Variants in FOCAD observed in about 807,000 individuals in gnomAD.
FOCAD encodes the protein KIAA1797.
Under a neutral mutation model 225.6 loss-of-function variants are expected in FOCAD, and 198 were observed. The ratio of observed to expected loss-of-function variants is 0.88; its 90% CI spans 0.78 to 0.99. The LOEUF (loss-of-function observed/expected upper bound fraction) is 0.99. Among genes scored for constraint, FOCAD ranks in the 50% least tolerant of loss-of-function variants. The probability of loss-of-function intolerance (pLI) is 0.00; values close to 1 mark genes in which losing one functional copy is unlikely to be tolerated. For missense variants in FOCAD, 2,713 were observed against 2,123.6 expected, an observed-to-expected ratio of 1.28 and a Z score of -5.46; for synonymous variants, 897 against 755.0, an observed-to-expected ratio of 1.19 and a Z score of -3.08.
chr9:20,941,705 T>C (rs1255802690), intron 28 of FOCAD, among the ~76,000 whole-genome samples: 2 of 152,206 alleles, frequency 1.3e-5, no homozygotes, highest in Non-Finnish European at 2.9e-5. Context: ...TTGTTAGCAC[T>C]CTTATAGAAC....
At chr9:20,810,221 G>A (rs1403958304) in intron 11 of FOCAD, among the ~76,000 whole-genome samples, 1 of 152,094 alleles carries the variant, frequency 6.6e-6, no homozygotes, top group Non-Finnish European at 1.5e-5. Flanking sequence ...CAACATGTAT[G>A]GGTTCTTTGG....
chr9:20,786,842 G>C (rs1362857238), intron 10 of FOCAD: 1 of 170,566 alleles, frequency 5.9e-6, no homozygotes, highest in African/African-American at 2.4e-5. Context: ...ATTTTTCTGT[G>C]GTTTATTTTT....
rs1026785115 is a variant in FOCAD, at chr9:20,805,002, C to T, written c.1456-14794C>T. Among the ~76,000 whole-genome samples, 4 of 152,110 alleles carry T rather than the reference C, an allele frequency of 2.6e-5. No homozygotes were observed. The South Asian group carries it at 6.2e-4, about 24-fold the overall frequency. On this transcript the variant is annotated intron_variant, in intron 11 of 43. Transcript: ENST00000338382. ...CTTCTTAATCTGTGCCTATTAGGAC[C>T]GCACTTTATCTTTTGTAACATGTCA...
intron 15 of FOCAD, among the ~76,000 whole-genome samples, chr9:20,862,303 G>C (rs1828844063): frequency 6.6e-6 from 1 of 151,876 alleles, no homozygotes; most frequent in South Asian, 2.1e-4. Flanking sequence ...GTGTCGGTGG[G>C]AGTGAGAGCT....
At chr9:20,867,375 T>C (rs2131732852) in intron 18 of FOCAD, among the ~76,000 whole-genome samples, 1 of 152,140 alleles carries the variant, frequency 6.6e-6, no homozygotes, top group African/African-American at 2.4e-5. Flanking sequence ...CAAAGATCTC[T>C]ATTTGTGATA....
At chr9:20,803,776 G>T (rs1286638109) in intron 11 of FOCAD, among the ~76,000 whole-genome samples, 1 of 152,080 alleles carries the variant, frequency 6.6e-6, no homozygotes, top group Non-Finnish European at 1.5e-5. Flanking sequence ...GGACCTGTTC[G>T]AGGTGAAGAC....
chr9:20,923,654 G>A lies in FOCAD; in HGVS notation c.2853-6G>A. The stretch of plus-strand genomic sequence containing the variant: ...TCTCTGTTGAAATTTTTTTCCTTTT[G>A]AACAGGGAGAGTCCGGTAGTGAAAG... On this transcript the variant is annotated splice_polypyrimidine_tract_variant and splice_region_variant and intron_variant, in intron 24 of 43. Transcript: ENST00000338382. The A allele has an allele frequency of 6.2e-7, 1 of 1,611,012 alleles. No homozygotes were observed. The highest frequency in any genetic ancestry group is 1.1e-5 in the South Asian group (1 of 90,684).
chr9:20,970,374 G>A (rs926563693), intron 35 of FOCAD, among the ~76,000 whole-genome samples: 8 of 151,824 alleles, frequency 5.3e-5, no homozygotes, highest in East Asian at 3.9e-4. Flanking sequence ...CATACTTTTC[G>A]TCTTTCTTTT....
At chr9:20,811,817 TTATCA>T (rs1823105848) in intron 11 of FOCAD, among the ~76,000 whole-genome samples, 1 of 130,580 alleles carries the variant, frequency 7.7e-6, no homozygotes, top group South Asian at 2.4e-4. Context: ...GCTTAATCAC[TTATCA>T]TGTCATTTTT....
At chr9:20,877,135 GACCGATGTGAATTTTA>G (rs1324662626) in intron 19 of FOCAD, among the ~76,000 whole-genome samples, 2 of 55,622 alleles carry the variant, frequency 3.6e-5, no homozygotes, top group East Asian at 6.6e-4. Flanking sequence ...TTAAACTATA[GACCGATGTGAATTTTA>G]TAGGGTTTTC....
intron 35 of FOCAD, among the ~76,000 whole-genome samples, chr9:20,972,883 T>A (rs930447127): frequency 3.9e-5 from 6 of 152,170 alleles, no homozygotes; most frequent in African/African-American, 1.4e-4. Context: ...TTATGCTGAC[T>A]TTCCTTTATT....
At chr9:20,874,834 C>G (rs1425260923) in intron 19 of FOCAD, 27 bp downstream of exon 19, 1 of 1,612,882 alleles carries the variant, frequency 6.2e-7, no homozygotes, top group African/African-American at 1.3e-5. Flanking sequence ...AGTAGAGAAG[C>G]TAGCATTTTT....
At chr9:20,914,539 G>C (rs2132070785) in intron 23 of FOCAD, among the ~76,000 whole-genome samples, 1 of 152,244 alleles carries the variant, frequency 6.6e-6, no homozygotes, top group East Asian at 1.9e-4. Context: ...GGAAGTGGTG[G>C]AGTGAGCCAA....
chr9:20,711,020 A>C (rs1480800023), intron 1 of FOCAD, among the ~76,000 whole-genome samples: 2 of 152,214 alleles, frequency 1.3e-5, no homozygotes, highest in Non-Finnish European at 2.9e-5. Context: ...GGCAGACTTG[A>C]GTAGTTGCTC....
rs754389950 is a variant in FOCAD, at chr9:20,770,214, G to T, written c.882G>T (p.Glu294Asp). Residue 294 changes from glutamate to aspartate, a missense_variant, in exon 8 of 44, where the codon GAG becomes GAT. Physicochemically the swap from Glu to Asp is conservative, Grantham distance 45 (BLOSUM62 2). Transcript: ENST00000338382. ...GECSSSIHLL[E>D]HSVELLKEDF... ...GTTCATCTTCAATTCACCTTTTAGA[G>T]CACAGTGTTGAACTTCTGAAGGAGG... The T allele has an allele frequency of 1.9e-6, 3 of 1,613,866 alleles. No homozygotes were observed. Among genetic ancestry groups the T allele is most frequent in the Non-Finnish European group, 2.5e-6 (3 of 1,179,974 alleles).
chr9:20,881,532 T>C (rs1439163948), intron 19 of FOCAD, among the ~76,000 whole-genome samples: 1 of 152,142 alleles, frequency 6.6e-6, no homozygotes, highest in African/African-American at 2.4e-5. Flanking sequence ...CATTAGTTTG[T>C]ATGAGGAGGA....
At chr9:20,784,930 C>CA (rs1176762437) in intron 10 of FOCAD, among the ~76,000 whole-genome samples, 2 of 124,928 alleles carry the variant, frequency 1.6e-5, no homozygotes, top group Admixed American at 1.6e-4. Flanking sequence ...TTCTTTCTTT[C>CA]TTTTTTTTTT....
chr9:20,804,078 C>T (rs894620191), intron 11 of FOCAD, among the ~76,000 whole-genome samples: 3 of 151,996 alleles, frequency 2.0e-5, no homozygotes, highest in South Asian at 4.2e-4. Context: ...TAGAGATTGC[C>T]AGAAGGTGGG....
At chr9:20,723,150 ATATTAT>A (rs1346467320) in intron 4 of FOCAD, among the ~76,000 whole-genome samples, 1 of 152,232 alleles carries the variant, frequency 6.6e-6, no homozygotes. Context: ...TCATCTCTGC[ATATTAT>A]AATTTGTGGG....
Sources: allele counts gnomAD v4.1 joint callset (sites outside exome capture counted in the v4.1 genomes callset), GRCh38; gene constraint gnomAD v4.1.1; transcripts MANE v1.5; gene names NCBI Gene and HGNC (gene_info 2026-07-23, HGNC 2026-07-21).